Variants in CHD6 observed in about 807,000 individuals in gnomAD.
CHD6 encodes chromodomain helicase DNA binding protein 6, also known as ATP-dependent chromatin remodeler CHD6.
Under a neutral mutation model 276.9 loss-of-function variants are expected in CHD6, and 50 were observed. That is an observed-to-expected ratio of 0.18 (90% CI 0.14 to 0.23). The LOEUF (loss-of-function observed/expected upper bound fraction) is 0.23. CHD6 is among the 10% of genes least tolerant of loss of function. The probability of loss-of-function intolerance (pLI) is 1.00; values close to 1 mark genes in which losing one functional copy is unlikely to be tolerated. For synonymous variants in CHD6, 1,173 were observed against 1,229.3 expected (o/e 0.95, Z 0.96); for missense variants, 2,564 against 3,365.8 (o/e 0.76, Z 5.89).
chr20:41,413,527 A>C lies in CHD6; in HGVS notation c.6940-12T>G, dbSNP rs2046906109. The C allele has an allele frequency of 6.6e-7, 1 of 1,520,958 alleles. No individual in the cohort carries two copies. Among genetic ancestry groups the C allele is most frequent in the Non-Finnish European group, 8.8e-7 (1 of 1,132,624 alleles). The allele number at this position is 1,520,958 out of a possible 1,614,324, so 94.2% of individuals were successfully genotyped here. A position where few individuals can be genotyped will look rare whatever the true frequency, so the allele number is the denominator to read the frequency against. On this transcript the variant is annotated splice_polypyrimidine_tract_variant and intron_variant, in intron 34 of 36. Coordinates refer to ENST00000373233, the MANE Select transcript of CHD6 (RefSeq NM_032221.5). ...TCTTCATGGACTTCCTGGATGAAGG[A>C]AAAACGAGTATGTATAATCACGACA... is the stretch of plus-strand genomic sequence containing the variant.
chr20:41,495,600 C>A (rs1041833509), intron 8 of CHD6, among the ~76,000 whole-genome samples: 1 of 151,990 alleles, frequency 6.6e-6, no homozygotes, highest in Non-Finnish European at 1.5e-5. Context: ...GAGGATAAAT[C>A]TTAAGTGTTC....
In CHD6 at chr20:41,457,285, G is replaced by A. The variant is rs755594589; in HGVS notation, c.2808C>T (p.Asn936=). 1.9e-6 allele frequency: 3 copies of A among 1,613,980 alleles called. No individual in the cohort carries two copies. Among genetic ancestry groups the A allele is most frequent in the Admixed American group, 1.7e-5 (1 of 60,030 alleles). Residue 936 remains asparagine, a synonymous_variant, in exon 18 of 37, where the codon AAC becomes AAT. Transcript: ENST00000373233. The part of the protein sequence containing the change: ...GLDKAVLQDI[N]RKGGTNGVQQ... ...TCACCCCATTGGTGCCGCCCTTTCG[G>A]TTGATGTCCTGAAGAACAGCCTTGT...
At chr20:41,503,328 A>C (rs1212992820) in intron 5 of CHD6, among the ~76,000 whole-genome samples, 1 of 152,198 alleles carries the variant, frequency 6.6e-6, no homozygotes, top group Admixed American at 6.5e-5. Context: ...TTGTTAGTAC[A>C]TTCTGTTCAA....
chr20:41,566,672 C>A (rs1475028439), intron 1 of CHD6, among the ~76,000 whole-genome samples: 1 of 152,182 alleles, frequency 6.6e-6, no homozygotes, highest in Non-Finnish European at 1.5e-5. Flanking sequence ...CCAGGGGTCA[C>A]CCCGTCCTCT....
At chr20:41,503,208 T>C (rs1188079755) in intron 5 of CHD6, among the ~76,000 whole-genome samples, 2 of 152,222 alleles carry the variant, frequency 1.3e-5, no homozygotes, top group East Asian at 3.9e-4. Flanking sequence ...GTCGCTAGTT[T>C]ATAGAAATAA....
intron 18 of CHD6, 121 bp from the exon 19 acceptor site, chr20:41,456,100 A>C: frequency 1.1e-6 from 1 of 917,824 alleles, no homozygotes; most frequent in Non-Finnish European, 1.5e-6. Flanking sequence ...AGAACAAAGG[A>C]CGTGGGCAAC....
At position 41,487,708 on chromosome 20, in the gene CHD6, G is replaced by T; in HGVS notation, c.1958C>A (p.Thr653Asn). 1 of 1,611,408 alleles carries T rather than the reference G, an allele frequency of 6.2e-7. No individual in the cohort carries two copies. The highest frequency in any genetic ancestry group is 8.5e-7 in the Non-Finnish European group (1 of 1,179,340). ...FLEPSQFPSETAFLEEFGDLK... is the reference protein window; with the variant it reads ...FLEPSQFPSENAFLEEFGDLK... The stretch of plus-strand genomic sequence containing the variant: ...ATCTCCAAATTCCTCCAAGAAAGCG[G>T]TCTCTGAAGGAAACTGTGATGGCTC... Residue 653 changes from threonine to asparagine, a missense_variant, in exon 14 of 37, where the codon ACC becomes AAC. Physicochemically the swap from Thr to Asn is moderately conservative, Grantham distance 65. This residue lies in a region of CHD6 where 457 missense variants were observed against 889.0 expected (regional missense o/e 0.51). Transcript: ENST00000373233.
chr20:41,477,130 A>C (rs1214540569), intron 16 of CHD6, among the ~76,000 whole-genome samples: 2 of 152,118 alleles, frequency 1.3e-5, no homozygotes, highest in Non-Finnish European at 2.9e-5. Context: ...CGTCCTAGCT[A>C]CTCAGGAGGA....
In CHD6 at chr20:41,440,087, C is replaced by A; in HGVS notation, c.3920G>T (p.Cys1307Phe). 1 of 1,614,052 alleles carries A rather than the reference C, an allele frequency of 6.2e-7. No homozygotes were observed. Among genetic ancestry groups the A allele is most frequent in the East Asian group, 2.2e-5 (1 of 44,882 alleles). The stretch of plus-strand genomic sequence containing the variant: ...GGGCATCCCAACTTTCTCCAGGAAG[C>A]AAAGTGCTGGGTCTGCTCGCATGGC... ...YNAMRADPAL[C>F]FLEKVGMPDE... Residue 1307 changes from cysteine to phenylalanine, a missense_variant, in exon 26 of 37, where the codon TGC (cysteine) becomes TTC (phenylalanine). By Grantham distance (205) the Cys-to-Phe change is radical. Around this residue, in one of 7 missense-constraint regions of CHD6, gnomAD observed 515 missense variants for 739.5 expected, o/e 0.70. Coordinates refer to ENST00000373233, the MANE Select transcript of CHD6 (RefSeq NM_032221.5).
intron 1 of CHD6, among the ~76,000 whole-genome samples, chr20:41,555,446 CG>C (rs2045217294): frequency 6.9e-6 from 1 of 145,198 alleles, no homozygotes; most frequent in Admixed American, 6.6e-5. Flanking sequence ...GGGTGGCTGC[CG>C]GGCGGAGACG....
At position 41,404,744 on chromosome 20, in the gene CHD6, T is replaced by G; in HGVS notation, c.7997A>C (p.Asn2666Thr). Residue 2666 changes from asparagine (N) to threonine (T), a missense_variant, in exon 37 of 37, where the codon AAC (asparagine) becomes ACC (threonine). By Grantham distance (65) the Asn-to-Thr change is moderately conservative. Coordinates refer to ENST00000373233, the MANE Select transcript of CHD6 (RefSeq NM_032221.5). ...KKKKTKGDNP[N>T]SHPEPAPSCE... ...GCTGGGAGCAGGCTCTGGGTGGGAG[T>G]TGGGGTTGTCCCCCTTTGTCTTCTT... 1.2e-6 allele frequency: 2 copies of G among 1,604,332 alleles called. No homozygotes were observed. Among genetic ancestry groups the G allele is most frequent in the Non-Finnish European group, 1.7e-6 (2 of 1,174,792 alleles).
chr20:41,403,941 T>A lies in CHD6; in HGVS notation c.*652A>T. 4.7e-6 allele frequency: 5 copies of A among 1,054,136 alleles called. No homozygotes were observed. Among genetic ancestry groups the A allele is most frequent in the Non-Finnish European group, 4.6e-6 (4 of 872,316 alleles). The allele number at this position is 1,054,136 out of a possible 1,614,324, so 65.3% of individuals were successfully genotyped here. The stretch of plus-strand genomic sequence containing the variant: ...TAGAAAATAATGCCTAGTCAGTCAG[T>A]ATTTCTTCTTGCTGCAGGTGTCTGA... On this transcript the variant is annotated 3_prime_UTR_variant, in exon 37 of 37. Transcript: ENST00000373233.
At chr20:41,417,721 T>G (rs2047047896) in intron 31 of CHD6, among the ~76,000 whole-genome samples, 1 of 152,172 alleles carries the variant, frequency 6.6e-6, no homozygotes, top group Non-Finnish European at 1.5e-5. Context: ...CACTTTGAGA[T>G]CTTTGAAGGG....
At chr20:41,495,260 T>C (rs967375829) in intron 8 of CHD6, among the ~76,000 whole-genome samples, 7 of 152,150 alleles carry the variant, frequency 4.6e-5, no homozygotes, top group African/African-American at 9.7e-5. Context: ...ACCTAGACAA[T>C]AGAATATCAT....
In CHD6 at chr20:41,413,429, A is replaced by T. The variant is rs1370294307; in HGVS notation, c.7026T>A (p.Ala2342=). 3 of 1,611,904 alleles carry T rather than the reference A, an allele frequency of 1.9e-6. No individual in the cohort carries two copies. Among genetic ancestry groups the T allele is most frequent in the Non-Finnish European group, 2.5e-6 (3 of 1,179,906 alleles). Residue 2342 remains alanine, a synonymous_variant, in exon 35 of 37, where the codon GCT becomes GCA. Transcript: ENST00000373233. ...TCTCGGCTTGGCTGCTGGCTGCCGTAGCTGGCTCAGGAGCCGAGGTGGCAG... is the reference window on the plus strand; with the variant it reads ...TCTCGGCTTGGCTGCTGGCTGCCGTTGCTGGCTCAGGAGCCGAGGTGGCAG... ...PGPATSAPEP[A]TAASSQAEKS...
chr20:41,458,414 G>C (rs947134937), intron 17 of CHD6, among the ~76,000 whole-genome samples: 1 of 152,148 alleles, frequency 6.6e-6, no homozygotes. Flanking sequence ...TATTCTTATT[G>C]CTGTTCACAT....
chr20:41,612,328 T>G (rs1480223345), intron 1 of CHD6, among the ~76,000 whole-genome samples: 1 of 152,218 alleles, frequency 6.6e-6, no homozygotes, highest in African/African-American at 2.4e-5. Flanking sequence ...TAATGACCTC[T>G]TTCATATCCT....
At chr20:41,596,270 G>T (rs1157145561) in intron 1 of CHD6, among the ~76,000 whole-genome samples, 2 of 152,106 alleles carry the variant, frequency 1.3e-5, no homozygotes, top group African/African-American at 4.8e-5. Flanking sequence ...GAAGTGCCAC[G>T]TGGAGGAATG....
At chr20:41,503,458 T>C (rs1601025067) in intron 5 of CHD6, among the ~76,000 whole-genome samples, 1 of 152,322 alleles carries the variant, frequency 6.6e-6, no homozygotes, top group East Asian at 1.9e-4. Context: ...TCCTACATTG[T>C]ATTTCTGAGT....
Sources: allele counts gnomAD v4.1 joint callset (sites outside exome capture counted in the v4.1 genomes callset), GRCh38; gene constraint gnomAD v4.1.1; regional missense constraint gnomAD v4.1.1; transcripts MANE v1.5; gene names NCBI Gene and HGNC (gene_info 2026-07-23, HGNC 2026-07-21).